ARHGAP28: variants seen among roughly 807,000 people sequenced by gnomAD.
ARHGAP28 encodes Rho GTPase activating protein 28, also known as rho GTPase-activating protein 28.
Under a neutral mutation model 90.7 loss-of-function variants are expected in ARHGAP28, and 56 were observed. The observed-to-expected ratio is 0.62, with a 90% confidence interval of 0.50 to 0.77. The LOEUF (loss-of-function observed/expected upper bound fraction) is 0.77. Ranked by LOEUF, ARHGAP28 falls within the 30% of genes least tolerant of loss-of-function variation. ARHGAP28 has a pLI of 0.00. For missense variants in ARHGAP28, 869 were observed against 900.9 expected, an observed-to-expected ratio of 0.96 and a Z score of 0.45; for synonymous variants, 308 against 323.3, an observed-to-expected ratio of 0.95 and a Z score of 0.51.
At chr18:6,777,746 A>G (rs1366605125) in intron 1 of ARHGAP28, among the ~76,000 whole-genome samples, 1 of 150,568 alleles carries the variant, frequency 6.6e-6, no homozygotes, top group Non-Finnish European at 1.5e-5. Context: ...GAATGAATGA[A>G]TGAGTGAATG....
intron 1 of ARHGAP28, among the ~76,000 whole-genome samples, chr18:6,738,058 C>G (rs1332068574): frequency 2.0e-5 from 3 of 152,046 alleles, no homozygotes; most frequent in Non-Finnish European, 2.9e-5. Flanking sequence ...TTTCTGATCC[C>G]TTAGTTGAAT....
At chr18:6,757,553 A>G (rs1286253554) in intron 1 of ARHGAP28, among the ~76,000 whole-genome samples, 6 of 152,176 alleles carry the variant, frequency 3.9e-5, no homozygotes, top group Non-Finnish European at 8.8e-5. Flanking sequence ...ATCCATACAG[A>G]TTTGGTAAAA....
At chr18:6,777,396 A>G (rs2056292518) in intron 1 of ARHGAP28, among the ~76,000 whole-genome samples, 2 of 152,168 alleles carry the variant, frequency 1.3e-5, no homozygotes, top group Non-Finnish European at 2.9e-5. Flanking sequence ...AACTTGACAT[A>G]CTGAAGAGTC....
intron 6 of ARHGAP28, among the ~76,000 whole-genome samples, chr18:6,869,041 A>G (rs979100622): frequency 6.6e-6 from 1 of 152,128 alleles, no homozygotes; most frequent in Non-Finnish European, 1.5e-5. Flanking sequence ...ATTTGTTGCC[A>G]TACTGTGACT....
intron 11 of ARHGAP28, among the ~76,000 whole-genome samples, chr18:6,883,052 T>C (rs2057191393): frequency 6.6e-6 from 1 of 152,062 alleles, no homozygotes; most frequent in South Asian, 2.1e-4. Flanking sequence ...AATCTAAATA[T>C]GTATGAGCAT....
chr18:6,879,677 C>T (rs1236575303), intron 10 of ARHGAP28, among the ~76,000 whole-genome samples: 1 of 152,224 alleles, frequency 6.6e-6, no homozygotes, highest in Non-Finnish European at 1.5e-5. Context: ...GCGTGGGATT[C>T]CCATAGTAAT....
At chr18:6,741,682 A>C (rs1229750625) in intron 1 of ARHGAP28, among the ~76,000 whole-genome samples, 1 of 152,214 alleles carries the variant, frequency 6.6e-6, no homozygotes, top group Admixed American at 6.5e-5. Flanking sequence ...GTGCTTTGCC[A>C]TTTAGCGGAC....
chr18:6,857,909 T>C (rs1264289667), intron 4 of ARHGAP28, among the ~76,000 whole-genome samples: 1 of 152,168 alleles, frequency 6.6e-6, no homozygotes, highest in Non-Finnish European at 1.5e-5. Context: ...AAATTGTTGA[T>C]TGTGTGTTTG....
chr18:6,758,522 C>T (rs1454726414), intron 1 of ARHGAP28, among the ~76,000 whole-genome samples: 2 of 152,160 alleles, frequency 1.3e-5, no homozygotes, highest in East Asian at 1.9e-4. Flanking sequence ...TGGGGTGTCT[C>T]CATGTTAGCC....
At chr18:6,829,220 A>G (rs568138428) in intron 2 of ARHGAP28, among the ~76,000 whole-genome samples, 2 of 152,054 alleles carry the variant, frequency 1.3e-5, no homozygotes, top group East Asian at 3.9e-4. Flanking sequence ...ATCATCCCTT[A>G]CCCCCTTTTT....
rs1014581801 is a variant in ARHGAP28 at position 6,868,002 on chromosome 18, A to G, written c.727-148A>G. The G allele has an allele frequency of 7.9e-6, 5 of 634,208 alleles. No individual in the cohort carries two copies. In the Admixed American group the frequency reaches 1.4e-4, roughly 18 times the overall value. The allele number at this position is 634,208 out of a possible 1,614,324, so 39.3% of individuals were successfully genotyped here. On this transcript the variant is annotated intron_variant, in intron 5 of 17. Coordinates refer to ENST00000383472, the MANE Select transcript of ARHGAP28 (RefSeq NM_001366230.1). Reference sequence around the variant, plus strand: ...TCCAAACTGAATGCAGAAACAGGAAATCAGATGCCGGTCCTTTATGAAATC... The same window carrying G: ...TCCAAACTGAATGCAGAAACAGGAAGTCAGATGCCGGTCCTTTATGAAATC...
Position 6,729,908 on chromosome 18 carries a change from C to G in ARHGAP28, c.87C>G (p.Cys29Trp). Residue 29 changes from cysteine to tryptophan, a missense_variant, in exon 1 of 18, where the codon TGC becomes TGG. By Grantham distance (215) the Cys-to-Trp change is radical. Transcript: ENST00000383472. ...AGCCCCCCAACGCCGAGTCGCGCTG[C>G]GCGCCCCGCGCCGCAGCCAGCCACC... ...RAQPPNAESR[C>W]APRAAASHPL... 1 of 1,411,096 alleles carries G rather than the reference C, an allele frequency of 7.1e-7. No homozygotes were observed. Among genetic ancestry groups the G allele is most frequent in the Non-Finnish European group, 9.2e-7 (1 of 1,084,682 alleles). The allele number at this position is 1,411,096 out of a possible 1,614,324, so 87.4% of individuals were successfully genotyped here.
rs1312292014 is a variant in ARHGAP28, at chr18:6,881,090, C to T, written c.1291-1047C>T. ...GGTTAGAGGGTGCATCAGAATCATGCGTATCTCTGCAAGAAACTTGTGCTG... is the reference window on the plus strand; with the variant it reads ...GGTTAGAGGGTGCATCAGAATCATGTGTATCTCTGCAAGAAACTTGTGCTG... On this transcript the variant is annotated intron_variant, in intron 10 of 17. Transcript: ENST00000383472. Among the ~76,000 whole-genome samples, 12 of 152,142 alleles carry T rather than the reference C, an allele frequency of 7.9e-5. No homozygotes were observed. The East Asian group carries it at 1.3e-3, about 17-fold the overall frequency.
intron 5 of ARHGAP28, among the ~76,000 whole-genome samples, chr18:6,862,909 C>T (rs1013780917): frequency 7.9e-5 from 12 of 152,008 alleles, no homozygotes; most frequent in African/African-American, 2.2e-4. Flanking sequence ...GTATTTAAAC[C>T]GTAAGATTTT....
intron 16 of ARHGAP28, among the ~76,000 whole-genome samples, chr18:6,902,600 CTG>C (rs2057343871): frequency 6.6e-6 from 1 of 152,054 alleles, no homozygotes; most frequent in Non-Finnish European, 1.5e-5. Flanking sequence ...ATTCAAAGAA[CTG>C]ATAATAAATA....
At chr18:6,864,124 G>A (rs1039748528) in intron 5 of ARHGAP28, among the ~76,000 whole-genome samples, 6 of 152,050 alleles carry the variant, frequency 3.9e-5, no homozygotes, top group South Asian at 2.1e-4. Flanking sequence ...GGAGTGCAGT[G>A]GTGCGATCTT....
intron 4 of ARHGAP28, among the ~76,000 whole-genome samples, chr18:6,858,445 C>A (rs1054159677): frequency 1.3e-5 from 2 of 152,120 alleles, no homozygotes; most frequent in Non-Finnish European, 2.9e-5. Flanking sequence ...CAGTGCTATT[C>A]AAAACCTTTT....
At chr18:6,778,128 G>T (rs745822049) in intron 1 of ARHGAP28, among the ~76,000 whole-genome samples, 5 of 152,164 alleles carry the variant, frequency 3.3e-5, no homozygotes, top group African/African-American at 1.2e-4. Flanking sequence ...CTAAGGATTG[G>T]TGTAGTCTGG....
Position 6,873,744 on chromosome 18 carries a change from C to G in ARHGAP28, c.1181C>G (p.Pro394Arg), listed in dbSNP as rs1333200967. ...CTGGACGGTGACCGAAAGAAAGACCCTGGAGTGAAAGTTCCCCTGGTATTA... is the reference window on the plus strand; with the variant it reads ...CTGGACGGTGACCGAAAGAAAGACCGTGGAGTGAAAGTTCCCCTGGTATTA... ...VLLDGDRKKDPGVKVPLVLQK... is the reference protein window; with the variant it reads ...VLLDGDRKKDRGVKVPLVLQK... The change falls in exon 9 of 18, where the codon CCT (proline) becomes CGT (arginine). Residue 394 changes from proline (P) to arginine (R), a missense_variant. Pro to Arg is a moderately radical substitution (Grantham distance 103). Transcript: ENST00000383472. 1 of 1,613,742 alleles carries G rather than the reference C, an allele frequency of 6.2e-7. No homozygotes were observed. The highest frequency in any genetic ancestry group is 1.3e-5 in the African/African-American group (1 of 74,846).
Sources: allele counts gnomAD v4.1 joint callset (sites outside exome capture counted in the v4.1 genomes callset), GRCh38; gene constraint gnomAD v4.1.1; transcripts MANE v1.5; gene names NCBI Gene and HGNC (gene_info 2026-07-23, HGNC 2026-07-21).